Variants in BTBD10 observed in about 807,000 individuals in gnomAD.
BTBD10 encodes the protein BTB domain containing 10, also known as BTB/POZ domain-containing protein 10.
BTBD10 carries 21 observed loss-of-function variants against 53.2 expected under a neutral mutation model. The observed-to-expected ratio is 0.39, with a 90% confidence interval of 0.28 to 0.57. The LOEUF is 0.57. BTBD10 is among the 20% of genes least tolerant of loss of function. The pLI is 0.53. For missense variants in BTBD10, 360 were observed against 594.7 expected (o/e 0.61, Z 4.10); for synonymous variants, 149 against 192.7 (o/e 0.77, Z 1.88).
At chr11:13,391,022 T>C (rs1356030340) in intron 8 of BTBD10, among the ~76,000 whole-genome samples, 2 of 152,214 alleles carry the variant, frequency 1.3e-5, no homozygotes, top group African/African-American at 4.8e-5. Context: ...GACTTTAAAA[T>C]TCCCATCTCC....
At chr11:13,394,970 CTG>C (rs780173958) in intron 8 of BTBD10, among the ~76,000 whole-genome samples, 44 of 151,514 alleles carry the variant, frequency 2.9e-4, no homozygotes, top group Non-Finnish European at 6.0e-4. Flanking sequence ...GGTTCCAAGT[CTG>C]TGCTATTGTG....
At chr11:13,448,797 G>A (rs1950796487) in intron 1 of BTBD10, among the ~76,000 whole-genome samples, 1 of 152,002 alleles carries the variant, frequency 6.6e-6, no homozygotes, top group African/African-American at 2.4e-5. Context: ...ACTATAAAAA[G>A]GTCCTTCAGA....
intron 6 of BTBD10, among the ~76,000 whole-genome samples, chr11:13,408,055 C>G (rs1340849889): frequency 6.6e-6 from 1 of 152,132 alleles, no homozygotes; most frequent in Non-Finnish European, 1.5e-5. Flanking sequence ...ACAGATGAGG[C>G]CTCAGATATT....
chr11:13,392,450 A>G (rs1288388458), intron 8 of BTBD10, among the ~76,000 whole-genome samples: 1 of 152,192 alleles, frequency 6.6e-6, no homozygotes, highest in Non-Finnish European at 1.5e-5. Flanking sequence ...ACTGGGAAAT[A>G]GCTGGAGGTA....
chr11:13,422,874 G>A (rs1950270181), intron 2 of BTBD10, among the ~76,000 whole-genome samples: 1 of 152,142 alleles, frequency 6.6e-6, no homozygotes, highest in Admixed American at 6.6e-5. Context: ...TATGCTAAAT[G>A]CCAACAGAAA....
intron 1 of BTBD10, among the ~76,000 whole-genome samples, chr11:13,459,079 C>T (rs1485654579): frequency 4.9e-5 from 7 of 142,632 alleles, no homozygotes; most frequent in African/African-American, 1.3e-4. Flanking sequence ...TTTTTTGAGA[C>T]GGAGTCTCGC....
At chr11:13,433,243 T>C (rs1950484178) in intron 2 of BTBD10, among the ~76,000 whole-genome samples, 1 of 152,178 alleles carries the variant, frequency 6.6e-6, no homozygotes, top group Non-Finnish European at 1.5e-5. Flanking sequence ...ACTCTTCCCC[T>C]GCCTTCCTGT....
intron 2 of BTBD10, among the ~76,000 whole-genome samples, chr11:13,441,392 T>G (rs1950646834): frequency 6.6e-6 from 1 of 152,132 alleles, no homozygotes; most frequent in African/African-American, 2.4e-5. Context: ...TATCACTAGG[T>G]ACCCCATAAA....
chr11:13,423,286 T>C (rs1950277497), intron 2 of BTBD10, among the ~76,000 whole-genome samples: 1 of 152,216 alleles, frequency 6.6e-6, no homozygotes, highest in South Asian at 2.1e-4. Flanking sequence ...TAGAGTAAAA[T>C]TGTCCTCTAA....
chr11:13,419,368 C>A, intron 4 of BTBD10, 92 bp downstream of exon 4: 1 of 1,472,628 alleles, frequency 6.8e-7, no homozygotes, highest in Non-Finnish European at 9.1e-7. Flanking sequence ...TGTTACATTT[C>A]AACAGAGAAT....
chr11:13,437,193 G>C (rs1422791376), intron 2 of BTBD10, among the ~76,000 whole-genome samples: 1 of 152,166 alleles, frequency 6.6e-6, no homozygotes, highest in Non-Finnish European at 1.5e-5. Context: ...TTGGTATTCA[G>C]CAGTTACTCT....
intron 8 of BTBD10, among the ~76,000 whole-genome samples, chr11:13,400,948 G>A (rs1949703147): frequency 6.6e-6 from 1 of 152,150 alleles, no homozygotes; most frequent in Admixed American, 6.5e-5. Flanking sequence ...GTTGTAAGAT[G>A]TGGTCCCAGA....
At chr11:13,406,178 C>T (rs1161722924) in intron 6 of BTBD10, among the ~76,000 whole-genome samples, 1 of 152,112 alleles carries the variant, frequency 6.6e-6, no homozygotes, top group Non-Finnish European at 1.5e-5. Context: ...CCTGCATGCT[C>T]TCCTTCTCCA....
At chr11:13,434,382 C>G (rs1950510016) in intron 2 of BTBD10, among the ~76,000 whole-genome samples, 1 of 152,054 alleles carries the variant, frequency 6.6e-6, no homozygotes, top group South Asian at 2.1e-4. Context: ...AAACAAAGAC[C>G]TAAAAACGTA....
chr11:13,405,928 T>C (rs1249350826), intron 6 of BTBD10, 72 bp from the exon 7 acceptor site: 1 of 1,448,640 alleles, frequency 6.9e-7, no homozygotes, highest in Non-Finnish European at 9.4e-7. Context: ...ATATAGACTC[T>C]TATAACAAGA....
rs143217613 is a variant in BTBD10 at position 13,405,085 on chromosome 11, A to C, written c.1006+574T>G. Among the ~76,000 whole-genome samples the C allele has an allele frequency of 2.6e-5, 4 of 152,222 alleles. No homozygotes were observed. In the East Asian group the frequency reaches 7.7e-4, roughly 29 times the overall value. ...AAAAAATAACAAAAAAATAAGAAAA[A>C]ATGTCAGTGATTGTTGCTCAAGATA... is the stretch of plus-strand genomic sequence containing the variant. On this transcript the variant is annotated intron_variant, in intron 7 of 8. Coordinates refer to ENST00000278174, the MANE Select transcript of BTBD10 (RefSeq NM_032320.7).
At chr11:13,434,744 T>G (rs11022826) in intron 2 of BTBD10, among the ~76,000 whole-genome samples, 23,944 of 152,188 alleles carry the variant, frequency 0.16, 2,077 homozygotes, top group Admixed American at 0.24. Context: ...CCATTTCAGA[T>G]GTTACTGTAA....
intron 1 of BTBD10, among the ~76,000 whole-genome samples, chr11:13,460,856 A>T (rs1376174507): frequency 6.6e-6 from 1 of 152,204 alleles, no homozygotes; most frequent in Non-Finnish European, 1.5e-5. Context: ...CTTGTATTTA[A>T]TTTTATATAT....
In BTBD10 at chr11:13,429,330, T is replaced by C. The variant is rs141986408; in HGVS notation, c.102-7492A>G. Among the ~76,000 whole-genome samples, 400 of 152,062 alleles carry C rather than the reference T, an allele frequency of 2.6e-3. 2 individuals are homozygous for C. The highest frequency in any genetic ancestry group is 0.022 in the Admixed American group (331 of 15,266). On this transcript the variant is annotated intron_variant, in intron 2 of 8. Transcript: ENST00000278174. Reference sequence around the variant, plus strand: ...ATATGAATACGCAAATGACCTAGAATAGCCTAAATAATTTTTTTAAAAGAA... The same window carrying C: ...ATATGAATACGCAAATGACCTAGAACAGCCTAAATAATTTTTTTAAAAGAA...
Sources: allele counts gnomAD v4.1 joint callset (sites outside exome capture counted in the v4.1 genomes callset), GRCh38; gene constraint gnomAD v4.1.1; transcripts MANE v1.5; gene names NCBI Gene and HGNC (gene_info 2026-07-23, HGNC 2026-07-21).